Variants in AHI1 observed in about 807,000 individuals in gnomAD.
AHI1 encodes jouberin.
In AHI1, 123 loss-of-function variants were observed where a neutral mutation model predicts 149.3. The ratio of observed to expected loss-of-function variants is 0.82; its 90% CI spans 0.71 to 0.96. The LOEUF is 0.96. Ranked by LOEUF, AHI1 falls within the 40% of genes least tolerant of loss-of-function variation. The pLI is 0.00. For missense variants in AHI1, 1,439 were observed against 1,422.7 expected, an observed-to-expected ratio of 1.01 and a Z score of -0.18; for synonymous variants, 475 against 459.8, an observed-to-expected ratio of 1.03 and a Z score of -0.42.
rs779376033 is a variant in AHI1 at position 135,465,803 on chromosome 6, T to C, written c.749+11A>G. 3 of 1,445,824 alleles carry C rather than the reference T, an allele frequency of 2.1e-6. No homozygotes were observed. Among genetic ancestry groups the C allele is most frequent in the African/African-American group, 2.9e-5 (2 of 69,752 alleles). The allele number at this position is 1,445,824 out of a possible 1,614,324, so 89.6% of individuals were successfully genotyped here. A position where few individuals can be genotyped will look rare whatever the true frequency, so the allele number is the denominator to read the frequency against. On this transcript the variant is annotated intron_variant, in intron 7 of 28. Transcript: ENST00000265602. ...TAAGAGGATATTTTACATTTATCAA[T>C]GCAAAAATACCTTGTTTCAGCTTTA...
At chr6:135,494,876 T>A (rs1481745247) in intron 3 of AHI1, among the ~76,000 whole-genome samples, 1 of 152,170 alleles carries the variant, frequency 6.6e-6, no homozygotes, top group African/African-American at 2.4e-5. Context: ...GTTGCCTATA[T>A]ACTGTGTGGC....
At position 135,429,868 on chromosome 6, in the gene AHI1, T is replaced by C. The variant is rs182161546; in HGVS notation, c.2492+14A>G. ...CTGTGAGTACTTATCCTGTCAACAC[T>C]GAAATATACTTACATCCGGAGATCC... On this transcript the variant is annotated intron_variant, in intron 18 of 28. Coordinates refer to ENST00000265602, the MANE Select transcript of AHI1 (RefSeq NM_001134831.2). 323 of 1,429,932 alleles carry C rather than the reference T, an allele frequency of 2.3e-4. 4 individuals are homozygous for C. In the African/African-American group the frequency reaches 3.8e-3, roughly 17 times the overall value. The allele number at this position is 1,429,932 out of a possible 1,614,324, so 88.6% of individuals were successfully genotyped here.
At chr6:135,456,978 G>GT (rs1583322164) in intron 9 of AHI1, among the ~76,000 whole-genome samples, 2 of 152,260 alleles carry the variant, frequency 1.3e-5, no homozygotes, top group East Asian at 3.9e-4. Context: ...CACTTAAAAT[G>GT]AATTATTCCC....
chr6:135,439,241 TC>T (rs1485305031), intron 14 of AHI1, among the ~76,000 whole-genome samples: 1 of 152,202 alleles, frequency 6.6e-6, no homozygotes, highest in Non-Finnish European at 1.5e-5. Context: ...AATGGAAAAT[TC>T]CAGAAATAAA....
rs188596237 is a variant in AHI1 at position 135,419,742 on chromosome 6, C to T, written c.2764+7425G>A. ...TGATAAATGGGGTGGTTGCTGAAGGCTGGGGTGGCTGTGGCAATTTACACA... is the reference window on the plus strand; with the variant it reads ...TGATAAATGGGGTGGTTGCTGAAGGTTGGGGTGGCTGTGGCAATTTACACA... On this transcript the variant is annotated intron_variant, in intron 20 of 28. Coordinates refer to ENST00000265602, the MANE Select transcript of AHI1 (RefSeq NM_001134831.2). 6.8e-4 allele frequency among the ~76,000 whole-genome samples: 104 copies of T among 152,152 alleles called. 1 individual carries two copies. Among genetic ancestry groups the T allele is most frequent in the African/African-American group, 2.4e-3 (100 of 41,530 alleles).
intron 24 of AHI1, among the ~76,000 whole-genome samples, chr6:135,332,124 C>T (rs1191858588): frequency 6.7e-6 from 1 of 149,152 alleles, no homozygotes; most frequent in Admixed American, 6.7e-5. Flanking sequence ...GGCTGGAGTG[C>T]AGTGGTGCAG....
chr6:135,317,033 A>G (rs959709448), intron 26 of AHI1, among the ~76,000 whole-genome samples: 5 of 152,214 alleles, frequency 3.3e-5, no homozygotes, highest in African/African-American at 1.2e-4. Context: ...TTCCAACTTC[A>G]CTAATAAAAT....
intron 13 of AHI1, among the ~76,000 whole-genome samples, chr6:135,446,165 C>G (rs986534062): frequency 6.6e-6 from 1 of 152,130 alleles, no homozygotes; most frequent in Non-Finnish European, 1.5e-5. Context: ...CCCACTCACA[C>G]CCCCACCCCT....
intron 13 of AHI1, among the ~76,000 whole-genome samples, chr6:135,446,326 T>A (rs1168588348): frequency 6.6e-6 from 1 of 152,118 alleles, no homozygotes; most frequent in East Asian, 1.9e-4. Flanking sequence ...AACAGGGGCG[T>A]GCATGCACAA....
intron 15 of AHI1, among the ~76,000 whole-genome samples, chr6:135,434,301 A>G (rs533973839): frequency 6.6e-6 from 1 of 152,188 alleles, no homozygotes; most frequent in South Asian, 2.1e-4. Context: ...CAAACTAATA[A>G]TAGAGGAAGT....
At chr6:135,381,900 T>A (rs759060322) in intron 23 of AHI1, among the ~76,000 whole-genome samples, 26 of 152,358 alleles carry the variant, frequency 1.7e-4, no homozygotes, top group Non-Finnish European at 3.4e-4. Context: ...AAACAATGCT[T>A]GATGAAATGC....
intron 15 of AHI1, among the ~76,000 whole-genome samples, chr6:135,434,554 A>G (rs1316790104): frequency 6.6e-6 from 1 of 152,112 alleles, no homozygotes; most frequent in African/African-American, 2.4e-5. Context: ...ATACATCTTC[A>G]AAACAGCTCA....
At position 135,438,452 on chromosome 6, in the gene AHI1, G is replaced by C; in HGVS notation, c.1959C>G (p.His653Gln). ...SGRFMRELCGHLNIIYDLSWS... is the reference protein window; with the variant it reads ...SGRFMRELCGQLNIIYDLSWS... ...AGGAAAGATCATAAATGATATTGAG[G>C]TGGCCACACAATTCTCTCATGAAAC... Residue 653 changes from histidine (H) to glutamine (Q), a missense_variant, in exon 15 of 29, where the codon CAC becomes CAG. Transcript: ENST00000265602. 3 of 1,554,660 alleles carry C rather than the reference G, an allele frequency of 1.9e-6. No individual in the cohort carries two copies. Among genetic ancestry groups the C allele is most frequent in the Non-Finnish European group, 2.6e-6 (3 of 1,147,728 alleles).
intron 23 of AHI1, among the ~76,000 whole-genome samples, chr6:135,392,672 A>G (rs1778678143): frequency 6.6e-6 from 1 of 152,234 alleles, no homozygotes; most frequent in Admixed American, 6.5e-5. Context: ...TCGTACAATC[A>G]ACACTTAATT....
intron 5 of AHI1, among the ~76,000 whole-genome samples, chr6:135,482,489 G>A (rs1438801507): frequency 2.0e-5 from 3 of 150,658 alleles, no homozygotes; most frequent in African/African-American, 7.3e-5. Flanking sequence ...TTGTTTGTTT[G>A]ATTTGAGTAA....
chr6:135,323,057 T>C (rs1209409662), intron 25 of AHI1, 105 bp downstream of exon 25: 35 of 1,239,384 alleles, frequency 2.8e-5, no homozygotes, highest in Non-Finnish European at 3.5e-5. Flanking sequence ...TTGGTAAACA[T>C]ATGCAAAGGT....
chr6:135,367,906 T>C (rs1774423725), intron 23 of AHI1, among the ~76,000 whole-genome samples: 1 of 152,068 alleles, frequency 6.6e-6, no homozygotes, highest in Non-Finnish European at 1.5e-5. Flanking sequence ...GTGTGATCTT[T>C]TGGGGGTGTT....
At chr6:135,473,219 T>C (rs1792035995) in intron 5 of AHI1, among the ~76,000 whole-genome samples, 1 of 152,174 alleles carries the variant, frequency 6.6e-6, no homozygotes, top group East Asian at 1.9e-4. Context: ...TTGCCTTTAG[T>C]GAATTACCTT....
At chr6:135,430,561 T>C (rs1784506845) in intron 17 of AHI1, among the ~76,000 whole-genome samples, 1 of 151,824 alleles carries the variant, frequency 6.6e-6, no homozygotes, top group Non-Finnish European at 1.5e-5. Flanking sequence ...AAAGGTATAA[T>C]ATGTTAGGCA....
Sources: gnomAD v4.1 joint callset for allele counts (sites outside exome capture counted in the v4.1 genomes callset) on GRCh38, gnomAD v4.1.1 for gene constraint, MANE v1.5 for transcripts, NCBI Gene and HGNC (gene_info 2026-07-23, HGNC 2026-07-21) for gene names.